The following AHDC1 variants were observed in gnomAD, a reference collection of about 807,000 sequenced individuals.
The protein encoded by AHDC1 is transcription factor Gibbin.
AHDC1 carries 7 observed loss-of-function variants against 87.9 expected under a neutral mutation model. The ratio of observed to expected loss-of-function variants is 0.08; its 90% CI spans 0.05 to 0.15. The LOEUF (loss-of-function observed/expected upper bound fraction) is 0.15, where lower values mean the gene tolerates loss of function less well. AHDC1 is among the 10% of genes least tolerant of loss of function. AHDC1 has a pLI of 1.00. For missense variants in AHDC1, 1,841 were observed against 2,253.2 expected (o/e 0.82, Z 3.70); for synonymous variants, 1,051 against 1,006.8 (o/e 1.04, Z -0.83).
At chr1:27,556,716 T>C (rs17162040) in intron 5 of AHDC1, among the ~76,000 whole-genome samples, 16,681 of 152,172 alleles carry the variant, frequency 0.11, 1,264 homozygotes, top group African/African-American at 0.21. Context: ...AGCTGGTGTC[T>C]GAATTTAGGT....
chr1:27,602,543 G>A (rs985595728), intron 3 of AHDC1, among the ~76,000 whole-genome samples: 3 of 152,062 alleles, frequency 2.0e-5, no homozygotes, highest in Non-Finnish European at 4.4e-5. Context: ...GCTCTGCCCG[G>A]GGACCCAGAC....
At position 27,550,987 on chromosome 1, in the gene AHDC1, C is replaced by G; in HGVS notation, c.1129G>C (p.Glu377Gln). 1 of 1,585,506 alleles carries G rather than the reference C, an allele frequency of 6.3e-7. No individual in the cohort carries two copies. The highest frequency in any genetic ancestry group is 8.5e-7 in the Non-Finnish European group (1 of 1,172,476). ...CGCAAGGCGTACTTGGGGTGACCCT[C>G]AGGCCCGGGGGGGCCGTGCGGTGAG... is the stretch of plus-strand genomic sequence containing the variant. The part of the protein sequence containing the change: ...LCSPHGPPGP[E>Q]GHPKYALRRT... Residue 377 changes from glutamate (E) to glutamine (Q), a missense_variant, in exon 8 of 9, where the codon GAG becomes CAG. By Grantham distance (29) the Glu-to-Gln change is conservative (BLOSUM62 2). This residue lies in a region of AHDC1 where 370 missense variants were observed against 391.5 expected (regional missense o/e 0.95). Coordinates refer to ENST00000673934, the MANE Select transcript of AHDC1 (RefSeq NM_001371928.1).
chr1:27,582,071 G>A (rs1000861378), intron 3 of AHDC1, among the ~76,000 whole-genome samples: 7 of 152,206 alleles, frequency 4.6e-5, no homozygotes, highest in Admixed American at 1.3e-4. Context: ...AGCTGGCCAG[G>A]CTTGGCTCCA....
intron 5 of AHDC1, among the ~76,000 whole-genome samples, chr1:27,556,103 G>A (rs1172686446): frequency 6.6e-6 from 1 of 152,142 alleles, no homozygotes; most frequent in Non-Finnish European, 1.5e-5. Flanking sequence ...AGCTGGTTGG[G>A]AGGGGGCTGG....
intron 3 of AHDC1, among the ~76,000 whole-genome samples, chr1:27,602,986 T>TCCCCC (rs552714980): frequency 1.3e-4 from 9 of 69,856 alleles, no homozygotes; most frequent in African/African-American, 5.1e-4. Flanking sequence ...CCCCCTTCAT[T>TCCCCC]CCCCCCCCCC....
intron 3 of AHDC1, among the ~76,000 whole-genome samples, chr1:27,586,520 TA>T (rs1198534891): frequency 6.6e-6 from 1 of 152,134 alleles, no homozygotes; most frequent in East Asian, 1.9e-4. Flanking sequence ...AACAGCAGAT[TA>T]AATACAGCAA....
rs370866024 is a variant in AHDC1, at chr1:27,596,267, G to T, written c.-629+7130C>A. On this transcript the variant is annotated intron_variant, in intron 3 of 8. Transcript: ENST00000673934. ...TCCTCGCTCCCTGGGGGGCAGCAGC[G>T]GATCCAAGCCCACCCATCTGCCTTC... Among the ~76,000 whole-genome samples, 13 of 152,186 alleles carry T rather than the reference G, an allele frequency of 8.5e-5. No homozygotes were observed. In the South Asian group the frequency reaches 2.3e-3, roughly 27 times the overall value.
Position 27,550,812 on chromosome 1 carries a change from G to A in AHDC1, c.1304C>T (p.Pro435Leu), listed in dbSNP as rs1306636339. The change falls in exon 8 of 9, where the codon CCT (proline) becomes CTT (leucine). Residue 435 changes from proline to leucine, a missense_variant. This residue lies in a region of AHDC1 where 370 missense variants were observed against 391.5 expected (regional missense o/e 0.95). Coordinates refer to ENST00000673934, the MANE Select transcript of AHDC1 (RefSeq NM_001371928.1). The stretch of plus-strand genomic sequence containing the variant: ...TGGGCCTGGCAGGGCAGGGGGTGGA[G>A]GAGGCGGTGGTGGTGGGGGTTCGGC... ...ALAEPPPPPPPPPPALPGPGP... is the reference protein window; with the variant it reads ...ALAEPPPPPPLPPPALPGPGP... 3 of 1,564,892 alleles carry A rather than the reference G, an allele frequency of 1.9e-6. No individual in the cohort carries two copies. Among genetic ancestry groups the A allele is most frequent in the Non-Finnish European group, 2.6e-6 (3 of 1,156,316 alleles).
intron 5 of AHDC1, among the ~76,000 whole-genome samples, chr1:27,555,315 G>A (rs2019768561): frequency 6.6e-6 from 1 of 152,184 alleles, no homozygotes; most frequent in Admixed American, 6.5e-5. Context: ...TTTTACAGAT[G>A]AGGAAACTGA....
In AHDC1 at chr1:27,548,767, G is replaced by A; in HGVS notation, c.3349C>T (p.Leu1117=). The A allele has an allele frequency of 1.2e-6, 2 of 1,613,230 alleles. No homozygotes were observed. The highest frequency in any genetic ancestry group is 1.7e-6 in the Non-Finnish European group (2 of 1,180,048). Residue 1117 remains leucine (L), a synonymous_variant, in exon 8 of 9, where the codon CTG becomes TTG. Coordinates refer to ENST00000673934, the MANE Select transcript of AHDC1 (RefSeq NM_001371928.1). ...QWPFRQGYGG[L]DWASEAFSQL... is the part of the protein sequence containing the mutation. ...CTAAAGGCCTCTGAGGCCCAGTCCA[G>A]GCCTCCATAGCCCTGCCGGAAAGGC... is the stretch of plus-strand genomic sequence containing the variant.
intron 3 of AHDC1, among the ~76,000 whole-genome samples, chr1:27,575,295 G>T (rs1473486268): frequency 6.6e-6 from 1 of 152,198 alleles, no homozygotes; most frequent in African/African-American, 2.4e-5. Flanking sequence ...GGTGACGGGC[G>T]GAGAGGGAAA....
At position 27,565,817 on chromosome 1, in the gene AHDC1, T is replaced by A. The variant is rs2020294350; in HGVS notation, c.-628-6934A>T. 6.6e-6 allele frequency among the ~76,000 whole-genome samples: 1 copy of A among 152,204 alleles called. No individual in the cohort carries two copies. Among genetic ancestry groups the A allele is most frequent in the Non-Finnish European group, 1.5e-5 (1 of 68,038 alleles). ...GCCAGTTTAGCTCCTGGAACTATCT[T>A]CTGTTCCTACCCTGGGCTAGTGGAA... On this transcript the variant is annotated intron_variant, in intron 3 of 8. Coordinates refer to ENST00000673934, the MANE Select transcript of AHDC1 (RefSeq NM_001371928.1). The surrounding 1 kb of genome is among the most constrained non-coding windows in gnomAD (Gnocchi z 4.6).
chr1:27,538,102 G>A (rs1020817010), intron 8 of AHDC1, among the ~76,000 whole-genome samples: 3 of 151,930 alleles, frequency 2.0e-5, no homozygotes, highest in Admixed American at 6.6e-5. Context: ...AGAGCAGAAG[G>A]CAAAAAAGAG....
At chr1:27,592,933 C>G (rs1404481436) in intron 3 of AHDC1, among the ~76,000 whole-genome samples, 1 of 152,196 alleles carries the variant, frequency 6.6e-6, no homozygotes, top group Non-Finnish European at 1.5e-5. Flanking sequence ...GAGGCGCAGG[C>G]TGGACGGGAG....
chr1:27,535,800 A>G (rs962243189), intron 8 of AHDC1, among the ~76,000 whole-genome samples: 2 of 151,956 alleles, frequency 1.3e-5, no homozygotes, highest in African/African-American at 4.8e-5. Context: ...GACAGTTCTC[A>G]TTATGCTTGC....
intron 3 of AHDC1, among the ~76,000 whole-genome samples, chr1:27,602,986 T>TC (rs552714980): frequency 0.13 from 9,151 of 69,738 alleles, 595 homozygotes; most frequent in African/African-American, 0.18. Context: ...CCCCCTTCAT[T>TC]CCCCCCCCCC....
chr1:27,577,421 C>T (rs2088786865), intron 3 of AHDC1, among the ~76,000 whole-genome samples: 5 of 152,174 alleles, frequency 3.3e-5, no homozygotes, highest in Admixed American at 3.3e-4. Context: ...CCACTCTCTG[C>T]TCCCAAGTGT....
chr1:27,555,172 G>T (rs1397110332), intron 5 of AHDC1, among the ~76,000 whole-genome samples: 2 of 152,184 alleles, frequency 1.3e-5, no homozygotes, highest in Non-Finnish European at 2.9e-5. Flanking sequence ...GGGGAGCTGT[G>T]TAACATTCCA....
chr1:27,575,607 C>T (rs1193257420), intron 3 of AHDC1, among the ~76,000 whole-genome samples: 2 of 151,594 alleles, frequency 1.3e-5, no homozygotes, highest in African/African-American at 4.8e-5. Context: ...CATCCCCGCG[C>T]AGCGCGCAGC....
Sources: allele counts gnomAD v4.1 joint callset (sites outside exome capture counted in the v4.1 genomes callset), GRCh38; gene constraint gnomAD v4.1.1; regional missense constraint gnomAD v4.1.1; non-coding constraint Gnocchi (gnomAD v3.1); transcripts MANE v1.5; gene names NCBI Gene and HGNC (gene_info 2026-07-23, HGNC 2026-07-21).